GMDS: variants seen among roughly 807,000 people sequenced by gnomAD.
GMDS encodes the protein GDP-mannose 4,6 dehydratase.
GMDS carries 20 observed loss-of-function variants against 49.9 expected under a neutral mutation model. That is an observed-to-expected ratio of 0.40 (90% CI 0.28 to 0.58). The LOEUF (loss-of-function observed/expected upper bound fraction) is 0.58, where lower values mean the gene tolerates loss of function less well. GMDS is among the 20% of genes least tolerant of loss of function. GMDS has a pLI of 0.42. For missense variants in GMDS, 362 were observed against 481.4 expected (o/e 0.75, Z 2.32); for synonymous variants, 177 against 178.6 (o/e 0.99, Z 0.07).
chr6:1,975,098 C>T (rs1192281957), intron 4 of GMDS, among the ~76,000 whole-genome samples: 1 of 151,762 alleles, frequency 6.6e-6, no homozygotes, highest in South Asian at 2.1e-4. Context: ...ACTCAAACTG[C>T]CAGGATATTG....
chr6:2,149,806 A>G (rs1015169802), intron 1 of GMDS, among the ~76,000 whole-genome samples: 14 of 152,152 alleles, frequency 9.2e-5, no homozygotes, highest in African/African-American at 3.4e-4. Flanking sequence ...CTGACTTTAC[A>G]AGCTGTGGGG....
intron 7 of GMDS, among the ~76,000 whole-genome samples, chr6:1,813,223 TAAAAAAAAAAA>T (rs56705761): frequency 1.2e-5 from 1 of 85,298 alleles, no homozygotes; most frequent in Non-Finnish European, 2.1e-5. Context: ...CTCTGTCTCT[TAAAAAAAAAAA>T]AAAAAAAAAA....
chr6:1,954,800 C>T (rs947233860), intron 6 of GMDS, among the ~76,000 whole-genome samples: 3 of 152,174 alleles, frequency 2.0e-5, no homozygotes, highest in African/African-American at 7.2e-5. Context: ...CAATGGAGGG[C>T]TATTAAGTGG....
In GMDS at chr6:2,080,215, T is replaced by A. The variant is rs371863517; in HGVS notation, c.345+35556A>T. Among the ~76,000 whole-genome samples, 4 of 152,338 alleles carry A rather than the reference T, an allele frequency of 2.6e-5. No homozygotes were observed. The East Asian group carries it at 7.7e-4, about 29-fold the overall frequency. On this transcript the variant is annotated intron_variant, in intron 4 of 10. Transcript: ENST00000380815. The stretch of plus-strand genomic sequence containing the variant: ...CAAATTTTTCATTCATATCCTGCAC[T>A]GTTTTTCTGATTTCTATGTATTATT...
At chr6:1,940,695 C>T (rs1041194932) in intron 6 of GMDS, among the ~76,000 whole-genome samples, 1 of 152,246 alleles carries the variant, frequency 6.6e-6, no homozygotes, top group South Asian at 2.1e-4. Flanking sequence ...TCTGAGATAG[C>T]TACCACCTTT....
At chr6:2,148,607 C>T (rs576542118) in intron 1 of GMDS, among the ~76,000 whole-genome samples, 1 of 151,996 alleles carries the variant, frequency 6.6e-6, no homozygotes, top group Non-Finnish European at 1.5e-5. Context: ...ATTAGTAGAG[C>T]AGGTGTTTCA....
intron 4 of GMDS, among the ~76,000 whole-genome samples, chr6:2,099,921 T>C (rs1463906878): frequency 6.6e-6 from 1 of 152,104 alleles, no homozygotes; most frequent in African/African-American, 2.4e-5. Flanking sequence ...ACATGTAATT[T>C]ATATTGATAA....
Position 1,930,205 on chromosome 6 carries a change from AATTTTT to A in GMDS, c.663_668del (p.Lys222_Ile223del), listed in dbSNP as rs1414773307. On this transcript the variant is annotated inframe_deletion, in exon 7 of 11. Transcript: ENST00000380815. ...GGTAAATCTTAGCTACTGACCGGCT[AATTTTT>A]CGAGTAACGAAATTAGCTCCTAAAA... 1 of 1,613,004 alleles carries A rather than the reference AATTTTT, an allele frequency of 6.2e-7. No individual in the cohort carries two copies. Among genetic ancestry groups the A allele is most frequent in the South Asian group, 1.1e-5 (1 of 90,752 alleles).
intron 1 of GMDS, among the ~76,000 whole-genome samples, chr6:2,132,934 AAAT>A (rs1189481713): frequency 6.6e-6 from 1 of 152,174 alleles, no homozygotes; most frequent in African/African-American, 2.4e-5. Context: ...CTTCACACTG[AAAT>A]AATAACTTCT....
At chr6:1,638,124 G>A (rs190281580) in intron 9 of GMDS, among the ~76,000 whole-genome samples, 14 of 152,286 alleles carry the variant, frequency 9.2e-5, no homozygotes, top group East Asian at 1.9e-4. Context: ...GTGCTTCTGC[G>A]CTACAGGGGT....
intron 6 of GMDS, among the ~76,000 whole-genome samples, chr6:1,941,196 G>A (rs1476508840): frequency 1.3e-5 from 2 of 152,122 alleles, no homozygotes; most frequent in Non-Finnish European, 2.9e-5. Context: ...ATTTAACACT[G>A]CAGTGAATCT....
At chr6:1,728,477 G>C (rs565873637) in intron 8 of GMDS, among the ~76,000 whole-genome samples, 1 of 152,074 alleles carries the variant, frequency 6.6e-6, no homozygotes, top group African/African-American at 2.4e-5. Flanking sequence ...CTGATTTTTC[G>C]CCTGTAGCTG....
intron 7 of GMDS, among the ~76,000 whole-genome samples, chr6:1,873,077 A>AGG (rs554677158): frequency 1.4e-3 from 209 of 152,362 alleles, no homozygotes; most frequent in Non-Finnish European, 2.1e-3. Context: ...CTAGACAGTG[A>AGG]GGGACAGCCC....
At chr6:1,881,857 G>A (rs1005527871) in intron 7 of GMDS, among the ~76,000 whole-genome samples, 1 of 152,162 alleles carries the variant, frequency 6.6e-6, no homozygotes. Context: ...AACAGTCAGC[G>A]AGAGATCTGG....
At chr6:2,190,219 A>G (rs921212428) in intron 1 of GMDS, among the ~76,000 whole-genome samples, 1 of 152,264 alleles carries the variant, frequency 6.6e-6, no homozygotes, top group Admixed American at 6.5e-5. Context: ...AAACTATGGG[A>G]ATTTTATTTT....
chr6:1,630,149 A>G (rs2113149448), intron 9 of GMDS, among the ~76,000 whole-genome samples: 1 of 152,382 alleles, frequency 6.6e-6, no homozygotes, highest in East Asian at 1.9e-4. Flanking sequence ...CTCATAAGCT[A>G]CACAGACAAC....
rs1223796285 is a variant in GMDS, at chr6:2,115,888, A to G, written c.236-8T>C. ...CATAGTGCAACTTCATGTCTTCAGG[A>G]TACAAAAACATCCCATTAGATAGAG... is the stretch of plus-strand genomic sequence containing the variant. On this transcript the variant is annotated splice_region_variant and splice_polypyrimidine_tract_variant and intron_variant, in intron 3 of 10. Coordinates refer to ENST00000380815, the MANE Select transcript of GMDS (RefSeq NM_001500.4). 3.5e-6 allele frequency: 5 copies of G among 1,415,046 alleles called. No individual in the cohort carries two copies. In the East Asian group the frequency reaches 1.1e-4, roughly 32 times the overall value. The allele number at this position is 1,415,046 out of a possible 1,614,324, so 87.7% of individuals were successfully genotyped here. A position where few individuals can be genotyped will look rare whatever the true frequency, so the allele number is the denominator to read the frequency against.
intron 4 of GMDS, among the ~76,000 whole-genome samples, chr6:2,051,152 C>T (rs886990254): frequency 2.2e-4 from 34 of 152,164 alleles, no homozygotes; most frequent in African/African-American, 7.2e-4. Flanking sequence ...GGCCATGAGC[C>T]GAGGAATGTA....
At chr6:1,648,750 G>A (rs1006110366) in intron 9 of GMDS, among the ~76,000 whole-genome samples, 1 of 152,182 alleles carries the variant, frequency 6.6e-6, no homozygotes, top group African/African-American at 2.4e-5. Context: ...GAATGCCACA[G>A]TTTTTTGTAA....
Sources: gnomAD v4.1 joint callset for allele counts (sites outside exome capture counted in the v4.1 genomes callset) on GRCh38, gnomAD v4.1.1 for gene constraint, MANE v1.5 for transcripts, NCBI Gene and HGNC (gene_info 2026-07-23, HGNC 2026-07-21) for gene names.